Variants in CDKAL1 observed in about 807,000 individuals in gnomAD.
The protein encoded by CDKAL1 is CDKAL1 threonylcarbamoyladenosine tRNA methylthiotransferase, also known as threonylcarbamoyladenosine tRNA methylthiotransferase.
Under a neutral mutation model 68.2 loss-of-function variants are expected in CDKAL1, and 32 were observed. The ratio of observed to expected loss-of-function variants is 0.47; its 90% CI spans 0.35 to 0.63. The LOEUF is 0.63. Ranked by LOEUF, CDKAL1 falls within the 30% of genes least tolerant of loss-of-function variation. CDKAL1 has a pLI of 0.00. For synonymous variants in CDKAL1, 234 were observed against 244.3 expected, an observed-to-expected ratio of 0.96 and a Z score of 0.39; for missense variants, 606 against 696.7, an observed-to-expected ratio of 0.87 and a Z score of 1.47.
intron 6 of CDKAL1, among the ~76,000 whole-genome samples, chr6:20,750,444 T>C (rs1773866371): frequency 6.6e-6 from 1 of 152,154 alleles, no homozygotes; most frequent in Non-Finnish European, 1.5e-5. Context: ...CCAATGGTGA[T>C]TTGTGGGGGA....
intron 4 of CDKAL1, among the ~76,000 whole-genome samples, chr6:20,601,658 A>G (rs1272039823): frequency 6.6e-6 from 1 of 152,202 alleles, no homozygotes; most frequent in Non-Finnish European, 1.5e-5. Context: ...CTAATTACAC[A>G]GAACTTTAAA....
chr6:20,806,441 A>G (rs1425194878), intron 8 of CDKAL1, among the ~76,000 whole-genome samples: 3 of 152,184 alleles, frequency 2.0e-5, no homozygotes, highest in Non-Finnish European at 2.9e-5. Flanking sequence ...CGCTGAACAT[A>G]CATGTTTCTT....
chr6:20,669,827 G>T (rs73732727), intron 5 of CDKAL1, among the ~76,000 whole-genome samples: 7 of 152,028 alleles, frequency 4.6e-5, no homozygotes, highest in Admixed American at 2.0e-4. Context: ...TGAAGAAACC[G>T]CAATCTGGGC....
At chr6:20,759,573 T>C (rs1225104118) in intron 7 of CDKAL1, among the ~76,000 whole-genome samples, 1 of 152,182 alleles carries the variant, frequency 6.6e-6, no homozygotes, top group Non-Finnish European at 1.5e-5. Flanking sequence ...AGGAATTTTT[T>C]ATTTGTACAT....
intron 15 of CDKAL1, among the ~76,000 whole-genome samples, chr6:21,207,858 A>G (rs1778999347): frequency 6.6e-6 from 1 of 152,190 alleles, no homozygotes; most frequent in Admixed American, 6.5e-5. Flanking sequence ...CAAATGTTGT[A>G]TTCATCAGCC....
chr6:21,158,265 CT>C (rs1188874903), intron 13 of CDKAL1, among the ~76,000 whole-genome samples: 1 of 152,216 alleles, frequency 6.6e-6, no homozygotes, highest in Non-Finnish European at 1.5e-5. Flanking sequence ...AATACTGCCT[CT>C]TATCTCCCAT....
chr6:20,761,066 A>G (rs72832326), intron 7 of CDKAL1, among the ~76,000 whole-genome samples: 17,577 of 152,218 alleles, frequency 0.12, 1,226 homozygotes, highest in East Asian at 0.34. Context: ...AATAATAAGA[A>G]AAGGAACAAC....
intron 5 of CDKAL1, among the ~76,000 whole-genome samples, chr6:20,667,379 T>C (rs924070782): frequency 6.6e-6 from 1 of 152,168 alleles, no homozygotes; most frequent in Admixed American, 6.6e-5. Flanking sequence ...AATGCTTCTT[T>C]GTTGACAATG....
chr6:20,997,611 T>A (rs1214980820), intron 10 of CDKAL1, among the ~76,000 whole-genome samples: 2 of 152,192 alleles, frequency 1.3e-5, no homozygotes, highest in Non-Finnish European at 2.9e-5. Context: ...TAAATTGGCA[T>A]ACTGTAGCAG....
chr6:20,621,858 A>G (rs578070177), intron 4 of CDKAL1, among the ~76,000 whole-genome samples: 27 of 150,918 alleles, frequency 1.8e-4, no homozygotes, highest in South Asian at 4.2e-4. Flanking sequence ...AAAATCAGCC[A>G]TTTCTCCAAG....
intron 4 of CDKAL1, among the ~76,000 whole-genome samples, chr6:20,600,789 C>CATACATATATATATATATATATATAT (rs58795499): frequency 2.3e-5 from 3 of 130,480 alleles, no homozygotes; most frequent in Admixed American, 7.9e-5. Flanking sequence ...TATATATATA[C>CATACATATATATATATATATATATAT]ACACACACAC....
At chr6:20,857,954 G>A (rs1248634138) in intron 9 of CDKAL1, among the ~76,000 whole-genome samples, 1 of 152,124 alleles carries the variant, frequency 6.6e-6, no homozygotes, top group African/African-American at 2.4e-5. Flanking sequence ...CTTCCTCCCG[G>A]GTTCAAGTGA....
intron 13 of CDKAL1, among the ~76,000 whole-genome samples, chr6:21,168,912 A>C (rs950616604): frequency 2.0e-5 from 3 of 152,072 alleles, no homozygotes; most frequent in African/African-American, 7.2e-5. Flanking sequence ...TCTTCGCCAA[A>C]ACATAAATAT....
intron 10 of CDKAL1, among the ~76,000 whole-genome samples, chr6:20,992,850 C>T (rs556396694): frequency 7.6e-4 from 114 of 150,418 alleles, no homozygotes; most frequent in East Asian, 9.8e-4. Flanking sequence ...TGCAGTAAGC[C>T]GTGATTGCAC....
At chr6:20,649,267 C>CT (rs750721311) in intron 4 of CDKAL1, 26 bp from the exon 5 acceptor site, 3 of 1,512,350 alleles carry the variant, frequency 2.0e-6, no homozygotes, top group Admixed American at 1.8e-5. Context: ...CTACTTACTT[C>CT]TTTTTTGTGT....
At chr6:21,226,207 C>G (rs778358525) in intron 15 of CDKAL1, among the ~76,000 whole-genome samples, 23 of 152,006 alleles carry the variant, frequency 1.5e-4, no homozygotes, top group Non-Finnish European at 2.9e-4. Context: ...TAGAGATAGA[C>G]TGTTGTTATC....
At chr6:20,810,432 ACACACACACACACG>A (rs1182599140) in intron 8 of CDKAL1, among the ~76,000 whole-genome samples, 1 of 116,010 alleles carries the variant, frequency 8.6e-6, no homozygotes, top group East Asian at 2.6e-4. Flanking sequence ...ACACACACAC[ACACACACACACACG>A]TGGTGTCATG....
chr6:20,578,682 T>C (rs74592860), intron 4 of CDKAL1, among the ~76,000 whole-genome samples: 4,986 of 152,280 alleles, frequency 0.033, 260 homozygotes, highest in African/African-American at 0.11. Flanking sequence ...CATTATCTTA[T>C]TTAATTGTGT....
At chr6:20,940,895 C>G (rs11964084) in intron 9 of CDKAL1, among the ~76,000 whole-genome samples, 2 of 152,048 alleles carry the variant, frequency 1.3e-5, no homozygotes, top group African/African-American at 4.8e-5. Flanking sequence ...TCAAGACCAT[C>G]CTGGCTAACA....
Sources: allele counts gnomAD v4.1 joint callset (sites outside exome capture counted in the v4.1 genomes callset), GRCh38; gene constraint gnomAD v4.1.1; transcripts MANE v1.5; gene names NCBI Gene and HGNC (gene_info 2026-07-23, HGNC 2026-07-21).